GRM8: variants seen among roughly 807,000 people sequenced by gnomAD.
GRM8 encodes glutamate metabotropic receptor 8.
Under a neutral mutation model 87.2 loss-of-function variants are expected in GRM8, and 47 were observed. The ratio of observed to expected loss-of-function variants is 0.54; its 90% CI spans 0.43 to 0.69. GRM8 has a LOEUF of 0.69. Among genes scored for constraint, GRM8 ranks in the 30% least tolerant of loss-of-function variants. The pLI, the probability that GRM8 is intolerant of heterozygous loss-of-function variation, is 0.00. For missense variants in GRM8, 1,019 were observed against 1,139.2 expected (o/e 0.89, Z 1.52); for synonymous variants, 396 against 404.5 (o/e 0.98, Z 0.25).
chr7:126,718,503 G>A (rs1812011568), intron 7 of GRM8, among the ~76,000 whole-genome samples: 1 of 152,142 alleles, frequency 6.6e-6, no homozygotes, highest in South Asian at 2.1e-4. Context: ...CCCTGTGCTA[G>A]TGAGTTGTTT....
chr7:126,695,026 G>A (rs892659590), intron 7 of GRM8, among the ~76,000 whole-genome samples: 1 of 152,094 alleles, frequency 6.6e-6, no homozygotes, highest in Admixed American at 6.6e-5. Context: ...GATATCCTCG[G>A]AATAAAATAT....
intron 8 of GRM8, among the ~76,000 whole-genome samples, chr7:126,573,998 T>C (rs549587949): frequency 6.6e-6 from 1 of 152,328 alleles, no homozygotes; most frequent in African/African-American, 2.4e-5. Flanking sequence ...TTCAAAAAGG[T>C]TGCCTCTCTA....
intron 3 of GRM8, among the ~76,000 whole-genome samples, chr7:127,092,469 G>A (rs1450755996): frequency 7.9e-5 from 12 of 152,226 alleles, no homozygotes; most frequent in Non-Finnish European, 1.5e-5. Flanking sequence ...GCCAAGGCAG[G>A]TGGATCTCTT....
chr7:126,850,128 C>T (rs1289562107), intron 6 of GRM8, among the ~76,000 whole-genome samples: 1 of 152,194 alleles, frequency 6.6e-6, no homozygotes, highest in Non-Finnish European at 1.5e-5. Context: ...TTTCCACCAT[C>T]CAGCTGTCCT....
chr7:126,674,549 A>G (rs1373490849), intron 7 of GRM8, among the ~76,000 whole-genome samples: 1 of 152,236 alleles, frequency 6.6e-6, no homozygotes, highest in African/African-American at 2.4e-5. Context: ...TACTGGAGAA[A>G]TAATTAGTTG....
At chr7:126,713,400 A>C (rs1184831535) in intron 7 of GRM8, among the ~76,000 whole-genome samples, 1 of 152,138 alleles carries the variant, frequency 6.6e-6, no homozygotes, top group Non-Finnish European at 1.5e-5. Flanking sequence ...GAGCAGTGAG[A>C]ACACATGGAC....
chr7:126,750,860 AGG>A (rs1322543295), intron 7 of GRM8, among the ~76,000 whole-genome samples: 10 of 152,068 alleles, frequency 6.6e-5, no homozygotes, highest in Non-Finnish European at 1.5e-4. Context: ...TTATCATTAG[AGG>A]TGGTATACCT....
chr7:126,680,690 G>A (rs1332406451), intron 7 of GRM8, among the ~76,000 whole-genome samples: 1 of 152,156 alleles, frequency 6.6e-6, no homozygotes, highest in Non-Finnish European at 1.5e-5. Flanking sequence ...TATCTGCCCT[G>A]GTGCACTGCT....
intron 8 of GRM8, among the ~76,000 whole-genome samples, chr7:126,557,090 G>A (rs1457387096): frequency 6.6e-6 from 1 of 152,170 alleles, no homozygotes; most frequent in Non-Finnish European, 1.5e-5. Context: ...CTCCCCTAAA[G>A]AAGGGATCAG....
At chr7:126,682,439 GAA>G (rs1807691112) in intron 7 of GRM8, among the ~76,000 whole-genome samples, 2 of 152,202 alleles carry the variant, frequency 1.3e-5, no homozygotes, top group African/African-American at 4.8e-5. Flanking sequence ...TTGGAGATGA[GAA>G]AACAGCTGCT....
chr7:126,940,179 G>T (rs1266369958), intron 3 of GRM8, among the ~76,000 whole-genome samples: 1 of 152,108 alleles, frequency 6.6e-6, no homozygotes, highest in African/African-American at 2.4e-5. Context: ...ACCCCCACCT[G>T]CAATTCCAAT....
intron 3 of GRM8, among the ~76,000 whole-genome samples, chr7:126,922,591 C>T (rs1804643990): frequency 6.6e-6 from 1 of 152,020 alleles, no homozygotes; most frequent in African/African-American, 2.4e-5. Context: ...TACAATATCG[C>T]TTGGGTAAAA....
intron 9 of GRM8, among the ~76,000 whole-genome samples, chr7:126,496,515 T>C (rs1297099170): frequency 6.6e-6 from 1 of 152,008 alleles, no homozygotes; most frequent in Non-Finnish European, 1.5e-5. Context: ...TCCACTACTG[T>C]GAAACCAAGA....
chr7:127,224,149 A>G (rs191558182), intron 2 of GRM8, among the ~76,000 whole-genome samples: 74 of 152,294 alleles, frequency 4.9e-4, no homozygotes, highest in African/African-American at 1.7e-3. Context: ...GGGCTAGAAA[A>G]GCATTTGAAG....
intron 3 of GRM8, among the ~76,000 whole-genome samples, chr7:126,954,127 T>C (rs1446792015): frequency 6.6e-6 from 1 of 152,122 alleles, no homozygotes; most frequent in Non-Finnish European, 1.5e-5. Context: ...TTGTTATTGG[T>C]AAACTGTTTG....
chr7:126,878,365 C>T (rs1001228912), intron 6 of GRM8, among the ~76,000 whole-genome samples: 3 of 152,166 alleles, frequency 2.0e-5, no homozygotes, highest in Admixed American at 2.0e-4. Context: ...GCTCACATTG[C>T]TATTTAGTAA....
intron 7 of GRM8, among the ~76,000 whole-genome samples, chr7:126,736,179 G>A (rs904360405): frequency 5.9e-5 from 9 of 152,076 alleles, no homozygotes; most frequent in South Asian, 2.1e-4. Flanking sequence ...GAAATCCTCC[G>A]ACAGAATGTG....
intron 7 of GRM8, among the ~76,000 whole-genome samples, chr7:126,684,317 G>A (rs1807933129): frequency 6.6e-6 from 1 of 152,128 alleles, no homozygotes; most frequent in African/African-American, 2.4e-5. Context: ...CCCACTTTGT[G>A]TATTATCACA....
intron 3 of GRM8, among the ~76,000 whole-genome samples, chr7:127,015,097 G>GAGA (rs1193348834): frequency 2.4e-5 from 3 of 123,266 alleles, no homozygotes; most frequent in South Asian, 2.9e-4. Context: ...GGAGAAGAAG[G>GAGA]AGAAGGAGAA....
Sources: allele counts gnomAD v4.1 joint callset (sites outside exome capture counted in the v4.1 genomes callset), GRCh38; gene constraint gnomAD v4.1.1; transcripts MANE v1.5; gene names NCBI Gene and HGNC (gene_info 2026-07-23, HGNC 2026-07-21).